MDGA2: variants seen among roughly 807,000 people sequenced by gnomAD.
MDGA2 encodes MAM domain-containing glycosylphosphatidylinositol anchor protein 2.
A neutral mutation model predicts 117.8 loss-of-function variants in MDGA2; 40 were observed. The observed-to-expected ratio is 0.34, with a 90% CI of 0.26 to 0.44. The LOEUF (loss-of-function observed/expected upper bound fraction) is 0.44, where lower values mean the gene tolerates loss of function less well. Among genes scored for constraint, MDGA2 ranks in the 20% least tolerant of loss-of-function variants. MDGA2 has a pLI of 1.00. For synonymous variants in MDGA2, 452 were observed against 439.0 expected, an observed-to-expected ratio of 1.03 and a Z score of -0.37; for missense variants, 1,123 against 1,250.6, an observed-to-expected ratio of 0.90 and a Z score of 1.54.
chr14:46,968,429 C>A (rs1409160688), intron 8 of MDGA2, among the ~76,000 whole-genome samples: 1 of 151,942 alleles, frequency 6.6e-6, no homozygotes, highest in African/African-American at 2.4e-5. Context: ...AGCAATTAGG[C>A]AAGAAAAAGA....
Position 47,096,853 on chromosome 14 carries a change from C to T in MDGA2, c.1195+1G>A. ...TTGTAACATTCTTTCAGCAAACTTA[C>T]CTCTCACAATGATGTTGGTGGACTT... On this transcript the variant is annotated splice_donor_variant, in intron 6 of 16. Transcript: ENST00000399232. LOFTEE classifies it high-confidence loss of function. 1 of 1,611,194 alleles carries T rather than the reference C, an allele frequency of 6.2e-7. No homozygotes were observed. The highest frequency in any genetic ancestry group is 8.5e-7 in the Non-Finnish European group (1 of 1,177,732).
intron 3 of MDGA2, among the ~76,000 whole-genome samples, chr14:47,154,464 C>T (rs1883287370): frequency 6.6e-6 from 1 of 152,102 alleles, no homozygotes; most frequent in African/African-American, 2.4e-5. Context: ...TGCAGCCACC[C>T]AGCCGCAGCA....
intron 7 of MDGA2, among the ~76,000 whole-genome samples, chr14:47,056,799 GAGTGACAATCA>G (rs1187938062): frequency 1.3e-5 from 2 of 152,120 alleles, no homozygotes; most frequent in African/African-American, 4.8e-5. Context: ...TTTTGCAAAT[GAGTGACAATCA>G]AGTGACAATA....
chr14:47,165,797 A>AT (rs1257385169), intron 3 of MDGA2, among the ~76,000 whole-genome samples: 3 of 152,246 alleles, frequency 2.0e-5, no homozygotes, highest in African/African-American at 7.2e-5. Flanking sequence ...TAATGGAACT[A>AT]TAAGTCCTCA....
intron 1 of MDGA2, among the ~76,000 whole-genome samples, chr14:47,551,057 G>A (rs956227865): frequency 2.6e-5 from 4 of 152,126 alleles, no homozygotes; most frequent in African/African-American, 9.7e-5. Context: ...TCATAAAGGT[G>A]AAAGTACTTA....
chr14:47,651,518 T>C (rs1165004351), intron 1 of MDGA2, among the ~76,000 whole-genome samples: 1 of 152,072 alleles, frequency 6.6e-6, no homozygotes, highest in Non-Finnish European at 1.5e-5. Flanking sequence ...CAAATTTATC[T>C]TCAGAGGAAT....
At chr14:47,531,018 G>A (rs1011668253) in intron 1 of MDGA2, among the ~76,000 whole-genome samples, 12 of 152,248 alleles carry the variant, frequency 7.9e-5, no homozygotes, top group Non-Finnish European at 1.2e-4. Context: ...GGCCGAGGTG[G>A]GCGGATCACA....
At chr14:47,436,499 C>T (rs1180552455) in intron 1 of MDGA2, among the ~76,000 whole-genome samples, 3 of 152,002 alleles carry the variant, frequency 2.0e-5, no homozygotes, top group Admixed American at 6.6e-5. Context: ...AGAACTTCCC[C>T]TGATGGAGTA....
chr14:47,074,901 C>G (rs1350725432), intron 6 of MDGA2, among the ~76,000 whole-genome samples: 2 of 152,128 alleles, frequency 1.3e-5, no homozygotes, highest in Non-Finnish European at 2.9e-5. Context: ...ATTGTCCGCT[C>G]GATTTTTATG....
intron 8 of MDGA2, among the ~76,000 whole-genome samples, chr14:47,014,239 T>A (rs763510000): frequency 3.0e-4 from 46 of 152,200 alleles, no homozygotes; most frequent in South Asian, 4.1e-4. Flanking sequence ...CCAAGCTTTG[T>A]TGTTGCATTT....
intron 10 of MDGA2, among the ~76,000 whole-genome samples, chr14:46,896,519 G>A (rs1211500912): frequency 6.6e-6 from 1 of 151,920 alleles, no homozygotes; most frequent in Non-Finnish European, 1.5e-5. Context: ...ATCAAGCAGA[G>A]TAAACTTTTT....
At chr14:47,309,532 T>C (rs1221342523) in intron 1 of MDGA2, among the ~76,000 whole-genome samples, 2 of 152,112 alleles carry the variant, frequency 1.3e-5, no homozygotes, top group Admixed American at 6.6e-5. Flanking sequence ...TAGTACATGT[T>C]GGGTAGCATT....
intron 14 of MDGA2, among the ~76,000 whole-genome samples, chr14:46,868,936 C>A (rs1228111295): frequency 6.6e-6 from 1 of 151,848 alleles, no homozygotes; most frequent in Non-Finnish European, 1.5e-5. Context: ...ATACTGAATT[C>A]TTTTTTTTAC....
At chr14:47,315,884 GTT>G (rs969506866) in intron 1 of MDGA2, among the ~76,000 whole-genome samples, 1 of 145,520 alleles carries the variant, frequency 6.9e-6, no homozygotes, top group Admixed American at 6.9e-5. Flanking sequence ...TCTGCCACAA[GTT>G]TTTTTTTTTC....
intron 11 of MDGA2, among the ~76,000 whole-genome samples, chr14:46,879,531 T>G (rs1271282220): frequency 1.4e-5 from 2 of 142,002 alleles, no homozygotes; most frequent in East Asian, 3.8e-4. Context: ...TTTTGAAAAC[T>G]TATTATTAAA....
At chr14:47,489,759 G>C (rs1290212402) in intron 1 of MDGA2, among the ~76,000 whole-genome samples, 1 of 152,052 alleles carries the variant, frequency 6.6e-6, no homozygotes, top group Non-Finnish European at 1.5e-5. Flanking sequence ...AGTACTCAAT[G>C]AAAGAGCTGG....
At chr14:47,586,031 G>A (rs1257870176) in intron 1 of MDGA2, among the ~76,000 whole-genome samples, 1 of 151,858 alleles carries the variant, frequency 6.6e-6, no homozygotes, top group African/African-American at 2.4e-5. Context: ...GAGTTCTGGA[G>A]GCTGATGTCT....
At chr14:47,258,553 G>C (rs1224545609) in intron 2 of MDGA2, among the ~76,000 whole-genome samples, 1 of 152,032 alleles carries the variant, frequency 6.6e-6, no homozygotes, top group Non-Finnish European at 1.5e-5. Context: ...AGGAGATTTG[G>C]ATGGGGCACA....
intron 1 of MDGA2, among the ~76,000 whole-genome samples, chr14:47,480,213 T>C (rs1893923621): frequency 6.6e-6 from 1 of 152,038 alleles, no homozygotes; most frequent in African/African-American, 2.4e-5. Context: ...AAATCAAACA[T>C]TTTCAGAGAG....
Sources: allele counts gnomAD v4.1 joint callset (sites outside exome capture counted in the v4.1 genomes callset), GRCh38; gene constraint gnomAD v4.1.1; transcripts MANE v1.5; gene names NCBI Gene and HGNC (gene_info 2026-07-23, HGNC 2026-07-21).